The following MEGF9 variants were observed in gnomAD, a reference collection of about 807,000 sequenced individuals.
MEGF9 encodes the protein multiple epidermal growth factor-like domains protein 9.
In MEGF9, 6 loss-of-function variants were observed where a neutral mutation model predicts 46.8. That is an observed-to-expected ratio of 0.13 (90% CI 0.07 to 0.25). The LOEUF is 0.25. MEGF9 is among the 10% of genes least tolerant of loss of function. MEGF9 has a pLI of 1.00. For synonymous variants in MEGF9, 302 were observed against 330.7 expected, an observed-to-expected ratio of 0.91 and a Z score of 0.94; for missense variants, 683 against 792.4, an observed-to-expected ratio of 0.86 and a Z score of 1.66.
chr9:120,645,499 G>A (rs2043621916), intron 2 of MEGF9, among the ~76,000 whole-genome samples: 1 of 152,174 alleles, frequency 6.6e-6, no homozygotes, highest in Non-Finnish European at 1.5e-5. Context: ...AGGTAGCAGT[G>A]AGAAACAGTA....
At chr9:120,668,285 T>C (rs1294145762) in intron 1 of MEGF9, among the ~76,000 whole-genome samples, 2 of 152,190 alleles carry the variant, frequency 1.3e-5, no homozygotes, top group African/African-American at 4.8e-5. Flanking sequence ...TGCCAAGGTA[T>C]TGCCACAAAT....
At chr9:120,659,904 G>A (rs2043694753) in intron 1 of MEGF9, among the ~76,000 whole-genome samples, 1 of 150,946 alleles carries the variant, frequency 6.6e-6, no homozygotes, top group Non-Finnish European at 1.5e-5. Context: ...ATGACAACAT[G>A]TTAAATAATA....
rs1156589257 is a variant in MEGF9 at position 120,605,331 on chromosome 9, T to C, written c.1668A>G (p.Lys556=). 1 of 1,614,056 alleles carries C rather than the reference T, an allele frequency of 6.2e-7. No individual in the cohort carries two copies. Among genetic ancestry groups the C allele is most frequent in the Non-Finnish European group, 8.5e-7 (1 of 1,179,900 alleles). The part of the protein sequence containing the change: ...LNAPFWTIEL[K]EDNISFSSYH... ...AGCTGCTGAAACTGATATTGTCTTCTTTCAGCTCGATGGTCCAAAAGGGGG... is the reference window on the plus strand; with the variant it reads ...AGCTGCTGAAACTGATATTGTCTTCCTTCAGCTCGATGGTCCAAAAGGGGG... Residue 556 remains lysine (K), a synonymous_variant, in exon 6 of 6, where the codon AAA becomes AAG. Transcript: ENST00000373930. This position sits in a 1 kb window ranked among gnomAD's most constrained non-coding sequence, Gnocchi z 4.0.
chr9:120,643,182 T>C (rs1449781574), intron 2 of MEGF9, among the ~76,000 whole-genome samples: 1 of 151,626 alleles, frequency 6.6e-6, no homozygotes, highest in Non-Finnish European at 1.5e-5. Context: ...AGCTGAACAG[T>C]CCCATATTTA....
chr9:120,700,623 T>C (rs949688413), intron 1 of MEGF9, among the ~76,000 whole-genome samples: 4 of 152,140 alleles, frequency 2.6e-5, no homozygotes, highest in African/African-American at 9.7e-5. Context: ...TATATTGGAA[T>C]GCAAGTCCTT....
chr9:120,618,772 C>CAT (rs2043484301), intron 3 of MEGF9, among the ~76,000 whole-genome samples: 1 of 151,580 alleles, frequency 6.6e-6, no homozygotes, highest in East Asian at 1.9e-4. Context: ...TGATGGTGGG[C>CAT]GCCTGTAATC....
intron 1 of MEGF9, among the ~76,000 whole-genome samples, chr9:120,671,096 T>C (rs1168661560): frequency 6.6e-6 from 1 of 152,222 alleles, no homozygotes; most frequent in Non-Finnish European, 1.5e-5. Flanking sequence ...GCTTAACTAT[T>C]TTGCAGCATG....
At chr9:120,618,576 G>A (rs545286785) in intron 3 of MEGF9, among the ~76,000 whole-genome samples, 116 of 152,178 alleles carry the variant, frequency 7.6e-4, no homozygotes, top group African/African-American at 2.8e-3. Context: ...GTAGAAAGGG[G>A]TAAAAAATCA....
In MEGF9 at chr9:120,713,752, A is replaced by C; in HGVS notation, c.601+6T>G. ...GGTCCTGCCCGAGAGGGAGCGCCGG[A>C]CTCACCTGGAGGAGGCGAAGAGGGG... On this transcript the variant is annotated splice_donor_region_variant and intron_variant, in intron 1 of 5. Coordinates refer to ENST00000373930, the MANE Select transcript of MEGF9 (RefSeq NM_001080497.3). 7.8e-7 allele frequency: 1 copy of C among 1,286,988 alleles called. No homozygotes were observed. The highest frequency in any genetic ancestry group is 9.8e-7 in the Non-Finnish European group (1 of 1,017,850). 79.7% of individuals were successfully genotyped at this position (1,286,988 alleles called of 1,614,324 possible).
At chr9:120,648,657 G>T (rs1219836994) in intron 2 of MEGF9, among the ~76,000 whole-genome samples, 2 of 152,118 alleles carry the variant, frequency 1.3e-5, no homozygotes, top group Non-Finnish European at 2.9e-5. Flanking sequence ...AATAAAACAT[G>T]AATGAAATGA....
chr9:120,685,715 A>C (rs748501910), intron 1 of MEGF9, among the ~76,000 whole-genome samples: 2 of 152,230 alleles, frequency 1.3e-5, no homozygotes, highest in Admixed American at 6.5e-5. Flanking sequence ...CAATCTCATT[A>C]ATGGGTTTAT....
At chr9:120,675,024 A>G (rs111841996) in intron 1 of MEGF9, among the ~76,000 whole-genome samples, 3,601 of 152,006 alleles carry the variant, frequency 0.024, 153 homozygotes, top group African/African-American at 0.083. Flanking sequence ...GACCACAGGC[A>G]CCAGCCATCA....
intron 2 of MEGF9, among the ~76,000 whole-genome samples, chr9:120,638,102 C>A (rs2043586885): frequency 1.3e-5 from 2 of 152,040 alleles, no homozygotes; most frequent in South Asian, 4.1e-4. Context: ...AAATAATCAT[C>A]CTGCCTCAGC....
rs906652004 is a variant in MEGF9 at position 120,701,572 on chromosome 9, T to C, written c.601+12186A>G. Among the ~76,000 whole-genome samples, 6 of 152,310 alleles carry C rather than the reference T, an allele frequency of 3.9e-5. No individual in the cohort carries two copies. The East Asian group carries it at 9.6e-4, about 24-fold the overall frequency. On this transcript the variant is annotated intron_variant, in intron 1 of 5. Coordinates refer to ENST00000373930, the MANE Select transcript of MEGF9 (RefSeq NM_001080497.3). ...ATAACAGCAATCCCGTCTGATCTAA[T>C]TGGAAAACATATGGACAGACTGAAA...
intron 1 of MEGF9, among the ~76,000 whole-genome samples, chr9:120,697,765 T>C (rs2043884365): frequency 2.6e-5 from 4 of 152,182 alleles, no homozygotes; most frequent in Admixed American, 2.0e-4. Context: ...TGATCTAATT[T>C]TGATTTTCAC....
At chr9:120,661,482 A>C (rs1359274813) in intron 1 of MEGF9, among the ~76,000 whole-genome samples, 1 of 152,178 alleles carries the variant, frequency 6.6e-6, no homozygotes, top group African/African-American at 2.4e-5. Flanking sequence ...TTGCCACTGC[A>C]CCCCCACCTG....
Position 120,621,991 on chromosome 9 carries a change from C to T in MEGF9, c.943+625G>A, listed in dbSNP as rs562115603. Among the ~76,000 whole-genome samples the T allele has an allele frequency of 2.4e-3, 358 of 152,230 alleles. 2 individuals carry two copies. Among genetic ancestry groups the T allele is most frequent in the African/African-American group, 8.4e-3 (347 of 41,544 alleles). On this transcript the variant is annotated intron_variant, in intron 3 of 5. Transcript: ENST00000373930. The stretch of plus-strand genomic sequence containing the variant: ...TGAGCTTAGGTCCCACTGCATGCAC[C>T]CTCAGAGTCTGAAGACATCTTGAGG...
intron 4 of MEGF9, among the ~76,000 whole-genome samples, chr9:120,609,824 A>G (rs1171480851): frequency 6.6e-6 from 1 of 152,208 alleles, no homozygotes; most frequent in Non-Finnish European, 1.5e-5. Context: ...AATACTTTAC[A>G]GTGGTCATGG....
In MEGF9 at chr9:120,659,385, T is replaced by C. The variant is rs371262690; in HGVS notation, c.792A>G (p.Ile264Met). Residue 264 changes from isoleucine to methionine, a missense_variant, in exon 2 of 6, where the codon ATA becomes ATG. By Grantham distance (10) the Ile-to-Met change is conservative. Transcript: ENST00000373930. ...CDCSPHGALS[I>M]PCNSSGKCQC... ...CCTCTGTTGCTTACCTGTTGCACGG[T>C]ATGCTGAGAGCTCCATGTGGACTAC... is the stretch of plus-strand genomic sequence containing the variant. 1.3e-3 allele frequency: 2,019 copies of C among 1,613,772 alleles called. 28 individuals are homozygous for C. In the South Asian group the frequency reaches 0.021, roughly 17 times the overall value.
Sources: allele counts gnomAD v4.1 joint callset (sites outside exome capture counted in the v4.1 genomes callset), GRCh38; gene constraint gnomAD v4.1.1; non-coding constraint Gnocchi (gnomAD v3.1); transcripts MANE v1.5; gene names NCBI Gene and HGNC (gene_info 2026-07-23, HGNC 2026-07-21).